COA1: variants seen among roughly 807,000 people sequenced by gnomAD.
COA1 encodes cytochrome c oxidase assembly factor 1 homolog.
In COA1, 13 loss-of-function variants were observed where a neutral mutation model predicts 16.0. That is an observed-to-expected ratio of 0.81 (90% confidence interval 0.53 to 1.29). COA1 has a LOEUF of 1.29. Ranked by LOEUF, COA1 falls within the 50% of genes most tolerant of loss-of-function variation. The pLI is 0.00. For synonymous variants in COA1, 65 were observed against 65.7 expected (o/e 0.99, Z 0.05); for missense variants, 179 against 177.0 (o/e 1.01, Z -0.06).
intron 1 of COA1, among the ~76,000 whole-genome samples, chr7:43,677,268 C>T (rs2093569792): frequency 6.6e-6 from 1 of 152,160 alleles, no homozygotes; most frequent in South Asian, 2.1e-4. Context: ...CATTATTCCT[C>T]AACAAATGCT....
intron 1 of COA1, among the ~76,000 whole-genome samples, chr7:43,705,064 G>C (rs902082492): frequency 9.9e-5 from 15 of 152,284 alleles, no homozygotes; most frequent in African/African-American, 1.4e-4. Context: ...ATGCTTTCAG[G>C]AGGCCAAGGC....
intron 1 of COA1, among the ~76,000 whole-genome samples, chr7:43,727,167 A>C (rs147048693): frequency 5.8e-4 from 89 of 152,356 alleles, no homozygotes; most frequent in African/African-American, 2.1e-3. Context: ...ACACAATGAC[A>C]CACACTTCAC....
intron 6 of COA1, chr7:43,633,021 G>A (rs928097701): frequency 6.6e-5 from 10 of 152,186 alleles, no homozygotes; most frequent in Non-Finnish European, 1.3e-4. Flanking sequence ...GGCTTTAACT[G>A]AAAGTCACAG....
chr7:43,663,806 AC>A (rs1470692538), intron 1 of COA1, among the ~76,000 whole-genome samples: 10 of 152,090 alleles, frequency 6.6e-5, no homozygotes, highest in Admixed American at 2.0e-4. Context: ...TACTTTAGAT[AC>A]CTCATTTAAA....
intron 1 of COA1, among the ~76,000 whole-genome samples, chr7:43,673,917 CTCTCT>C (rs747341616): frequency 2.3e-4 from 35 of 152,290 alleles, no homozygotes; most frequent in Admixed American, 5.9e-4. Flanking sequence ...ACCACAGGTT[CTCTCT>C]TCTAAGTAGG....
At chr7:43,698,112 T>A (rs1428838109) in intron 1 of COA1, among the ~76,000 whole-genome samples, 1 of 152,218 alleles carries the variant, frequency 6.6e-6, no homozygotes, top group Non-Finnish European at 1.5e-5. Context: ...TAATACAGGA[T>A]GAAAGTCCAG....
chr7:43,670,612 C>T (rs1353674695), intron 1 of COA1, among the ~76,000 whole-genome samples: 1 of 152,132 alleles, frequency 6.6e-6, no homozygotes, highest in African/African-American at 2.4e-5. Flanking sequence ...GGGTAGATTA[C>T]ACATGCATAT....
chr7:43,713,263 A>G (rs1471108604), intron 1 of COA1, among the ~76,000 whole-genome samples: 2 of 152,010 alleles, frequency 1.3e-5, no homozygotes, highest in East Asian at 1.9e-4. Context: ...CAATACATAT[A>G]TATGTTATAT....
chr7:43,722,699 A>T (rs1334135931), intron 1 of COA1, among the ~76,000 whole-genome samples: 1 of 152,196 alleles, frequency 6.6e-6, no homozygotes, highest in Non-Finnish European at 1.5e-5. Flanking sequence ...CACCACGCCC[A>T]GCTAGTACAT....
intron 1 of COA1, among the ~76,000 whole-genome samples, chr7:43,704,870 A>C (rs1234826556): frequency 1.3e-5 from 2 of 152,232 alleles, no homozygotes; most frequent in African/African-American, 2.4e-5. Flanking sequence ...GAGGTTAAAA[A>C]AACACTCTGG....
intron 1 of COA1, among the ~76,000 whole-genome samples, chr7:43,707,399 G>A (rs1463430325): frequency 6.6e-6 from 1 of 152,052 alleles, no homozygotes; most frequent in African/African-American, 2.4e-5. Context: ...AAAGAAAAGT[G>A]CACAAAACAT....
At chr7:43,697,901 T>C (rs1488797891) in intron 1 of COA1, among the ~76,000 whole-genome samples, 1 of 152,258 alleles carries the variant, frequency 6.6e-6, no homozygotes, top group Non-Finnish European at 1.5e-5. Flanking sequence ...AAGACTCATG[T>C]GAGCATCTAA....
chr7:43,620,292 G>A (rs903473792), intron 6 of COA1, among the ~76,000 whole-genome samples: 1 of 152,204 alleles, frequency 6.6e-6, no homozygotes, highest in Non-Finnish European at 1.5e-5. Flanking sequence ...AGGAAAATTG[G>A]AGTTTGAAAG....
intron 1 of COA1, among the ~76,000 whole-genome samples, chr7:43,723,916 G>T (rs148680059): frequency 0.036 from 5,507 of 152,192 alleles, 308 homozygotes; most frequent in African/African-American, 0.12. Flanking sequence ...GACAAAGTGA[G>T]ACCCTGTCTC....
intron 1 of COA1, among the ~76,000 whole-genome samples, chr7:43,712,108 G>A (rs1012743242): frequency 2.6e-5 from 4 of 151,754 alleles, no homozygotes; most frequent in Non-Finnish European, 5.9e-5. Flanking sequence ...TATCCCTCCA[G>A]GGAAAAAGAA....
chr7:43,726,170 T>C (rs576737109), intron 1 of COA1, among the ~76,000 whole-genome samples: 27 of 152,026 alleles, frequency 1.8e-4, no homozygotes, highest in Non-Finnish European at 3.2e-4. Flanking sequence ...TTGGAGTCTG[T>C]TTAAAATAGA....
intron 6 of COA1, among the ~76,000 whole-genome samples, chr7:43,627,150 T>G (rs1488314339): frequency 1.3e-5 from 2 of 152,252 alleles, no homozygotes; most frequent in Non-Finnish European, 2.9e-5. Flanking sequence ...TATTTTGGTG[T>G]GGTGAAACGT....
At chr7:43,618,030 T>C (rs1442447691) in intron 6 of COA1, among the ~76,000 whole-genome samples, 1 of 152,050 alleles carries the variant, frequency 6.6e-6, no homozygotes, top group African/African-American at 2.4e-5. Context: ...ATTTTGTGAT[T>C]TGTAGTGGAA....
downstream of COA1, among the ~76,000 whole-genome samples, chr7:43,638,562 TTTCC>T: frequency 2.5e-5 from 3 of 118,798 alleles, no homozygotes; most frequent in African/African-American, 9.3e-5. Context: ...CTTCTTTTTC[TTTCC>T]TTTTTTTTTT....
Sources: gnomAD v4.1 joint callset for allele counts (sites outside exome capture counted in the v4.1 genomes callset) on GRCh38, gnomAD v4.1.1 for gene constraint, MANE v1.5 for transcripts, NCBI Gene and HGNC (gene_info 2026-07-23, HGNC 2026-07-21) for gene names.